NAV3: variants seen among roughly 807,000 people sequenced by gnomAD.
The protein encoded by NAV3 is neuron navigator 3.
NAV3 carries 87 observed loss-of-function variants against 244.7 expected under a neutral mutation model. The ratio of observed to expected loss-of-function variants is 0.36; its 90% CI spans 0.30 to 0.42. The LOEUF (loss-of-function observed/expected upper bound fraction) is 0.42. Among genes scored for constraint, NAV3 ranks in the 20% least tolerant of loss-of-function variants. The pLI is 1.00. For synonymous variants in NAV3, 1,126 were observed against 1,042.2 expected, an observed-to-expected ratio of 1.08 and a Z score of -1.55; for missense variants, 2,663 against 2,893.3, an observed-to-expected ratio of 0.92 and a Z score of 1.83.
chr12:78,156,392 T>A (rs1957306900), intron 22 of NAV3, among the ~76,000 whole-genome samples: 1 of 152,132 alleles, frequency 6.6e-6, no homozygotes. Context: ...AGTTATAAGT[T>A]TTTTTGTGCA....
chr12:78,006,684 A>T lies in NAV3; in HGVS notation c.1146A>T (p.Lys382Asn), dbSNP rs1874281202. The T allele has an allele frequency of 6.2e-7, 1 of 1,614,030 alleles. No individual in the cohort carries two copies. The highest frequency in any genetic ancestry group is 8.5e-7 in the Non-Finnish European group (1 of 1,180,036). Residue 382 changes from lysine (K) to asparagine (N), a missense_variant, in exon 8 of 40, where the codon AAA (lysine) becomes AAT (asparagine). Transcript: ENST00000397909. The stretch of plus-strand genomic sequence containing the variant: ...TCAAAACTGCTCCCTCAGGACAGAA[A>T]TCCATGCTTGAGAAATTCAAGCTAG... ...EGVKTAPSGQKSMLEKFKLVN... is the reference protein window; with the variant it reads ...EGVKTAPSGQNSMLEKFKLVN...
At chr12:77,931,882 T>C (rs1003812722) in intron 1 of NAV3, among the ~76,000 whole-genome samples, 1 of 145,062 alleles carries the variant, frequency 6.9e-6, no homozygotes, top group Non-Finnish European at 1.5e-5. Flanking sequence ...ATAATAATAA[T>C]CTACTTGGAA....
intron 7 of NAV3, among the ~76,000 whole-genome samples, chr12:77,999,240 G>A (rs1205351683): frequency 6.6e-6 from 1 of 152,172 alleles, no homozygotes; most frequent in Non-Finnish European, 1.5e-5. Context: ...AAGTAGTATG[G>A]CTGTGTGAGG....
At chr12:78,142,206 A>C (rs1262122205) in intron 20 of NAV3, among the ~76,000 whole-genome samples, 1 of 152,102 alleles carries the variant, frequency 6.6e-6, no homozygotes, top group African/African-American at 2.4e-5. Flanking sequence ...TGTTTGTATA[A>C]TACCACATGC....
intron 12 of NAV3, among the ~76,000 whole-genome samples, chr12:78,080,825 C>T (rs892355331): frequency 6.6e-6 from 1 of 152,202 alleles, no homozygotes; most frequent in Non-Finnish European, 1.5e-5. Flanking sequence ...AAATGAACTG[C>T]ATACTGCAGG....
intron 12 of NAV3, among the ~76,000 whole-genome samples, chr12:78,085,288 G>C (rs1953572989): frequency 1.3e-5 from 2 of 152,058 alleles, no homozygotes; most frequent in African/African-American, 2.4e-5. Context: ...CTTATTACTA[G>C]ACTCAGACTG....
intron 9 of NAV3, among the ~76,000 whole-genome samples, chr12:78,023,122 A>G (rs1877439541): frequency 6.6e-6 from 1 of 152,208 alleles, no homozygotes. Context: ...TATGCCTCAT[A>G]TATTTATACA....
rs978998896 is a variant in NAV3 at position 77,719,402 on chromosome 12, G to GT, written c.72+147149dup. ...CTTTTTCTAAGGCAAATCTTTCAGAGTTTTTTTTTTTTTGACAGTTGAGTA... is the reference window on the plus strand; with the variant it reads ...CTTTTTCTAAGGCAAATCTTTCAGAGTTTTTTTTTTTTTTGACAGTTGAGTA... On this transcript the variant is annotated intron_variant, in intron 2 of 8. Transcript: ENST00000550042. 4.1e-3 allele frequency among the ~76,000 whole-genome samples: 588 copies of GT among 142,720 alleles called. 2 individuals carry two copies. Among genetic ancestry groups the GT allele is most frequent in the South Asian group, 6.2e-3 (28 of 4,552 alleles). 93.6% of individuals were successfully genotyped at this position (142,720 alleles called of 152,430 possible).
intron 5 of NAV3, among the ~76,000 whole-genome samples, chr12:77,986,146 G>A (rs1346754123): frequency 1.3e-5 from 2 of 152,194 alleles, no homozygotes; most frequent in Non-Finnish European, 2.9e-5. Flanking sequence ...TGGATCACTT[G>A]AGGTCAGGAG....
chr12:77,759,542 C>A (rs893142933), intron 2 of NAV3, among the ~76,000 whole-genome samples: 1 of 152,242 alleles, frequency 6.6e-6, no homozygotes, highest in South Asian at 2.1e-4. Context: ...TATTGTCCTC[C>A]GATGCCTAGA....
intron 19 of NAV3, among the ~76,000 whole-genome samples, chr12:78,138,056 A>G (rs947462363): frequency 2.6e-5 from 4 of 152,088 alleles, no homozygotes; most frequent in African/African-American, 9.7e-5. Flanking sequence ...GATTTAATGA[A>G]TTTTTTTAGT....
Position 78,187,176 on chromosome 12 carries a change from C to A in NAV3, c.5791-1072C>A, listed in dbSNP as rs564920683. Among the ~76,000 whole-genome samples the A allele has an allele frequency of 2.0e-5, 3 of 152,028 alleles. No homozygotes were observed. The East Asian group carries it at 5.8e-4, about 29-fold the overall frequency. ...CTTATTCTGCAAAAGGTATTAGATT[C>A]TAACTCAGATTATACCTGAATAATT... is the stretch of plus-strand genomic sequence containing the variant. On this transcript the variant is annotated intron_variant, in intron 31 of 39. Transcript: ENST00000397909.
At chr12:77,896,520 A>G (rs75042927) in intron 1 of NAV3, among the ~76,000 whole-genome samples, 160 of 152,352 alleles carry the variant, frequency 1.1e-3, no homozygotes, top group African/African-American at 3.6e-3. Flanking sequence ...AAAAAAGTAT[A>G]GAATATGATC....
intron 7 of NAV3, 137 bp from the exon 8 acceptor site, chr12:78,006,282 T>C (rs1874204657): frequency 1.3e-6 from 1 of 783,848 alleles, no homozygotes; most frequent in Non-Finnish European, 2.0e-6. Flanking sequence ...ATCAGAGAAG[T>C]GATTGATGCT....
chr12:77,605,424 A>G (rs1400571357), intron 2 of NAV3, among the ~76,000 whole-genome samples: 1 of 152,120 alleles, frequency 6.6e-6, no homozygotes, highest in Non-Finnish European at 1.5e-5. Context: ...CTCAATGACT[A>G]AAAGTTGGGG....
intron 2 of NAV3, among the ~76,000 whole-genome samples, chr12:77,674,481 C>A (rs1346647005): frequency 6.6e-6 from 1 of 152,102 alleles, no homozygotes; most frequent in Non-Finnish European, 1.5e-5. Flanking sequence ...CTCCCAGGCT[C>A]AGGTGATCCT....
chr12:77,671,198 CAAACAAA>C (rs1301409883), intron 2 of NAV3, among the ~76,000 whole-genome samples: 3 of 150,882 alleles, frequency 2.0e-5, no homozygotes, highest in Admixed American at 2.0e-4. Context: ...GGGCTGCAAA[CAAACAAA>C]AAACAAGAAA....
At chr12:77,607,296 A>G (rs1215853971) in intron 2 of NAV3, among the ~76,000 whole-genome samples, 1 of 152,126 alleles carries the variant, frequency 6.6e-6, no homozygotes, top group African/African-American at 2.4e-5. Flanking sequence ...AGAATCTTCT[A>G]CTACCCTAGA....
intron 2 of NAV3, among the ~76,000 whole-genome samples, chr12:77,792,119 A>G (rs888814804): frequency 6.6e-6 from 1 of 152,096 alleles, no homozygotes; most frequent in Non-Finnish European, 1.5e-5. Context: ...CTGCAACTGG[A>G]CTTATTTTCT....
Sources: gnomAD v4.1 joint callset for allele counts (sites outside exome capture counted in the v4.1 genomes callset) on GRCh38, gnomAD v4.1.1 for gene constraint, MANE v1.5 for transcripts, NCBI Gene and HGNC (gene_info 2026-07-23, HGNC 2026-07-21) for gene names.